Variants in ADGRV1 observed in about 807,000 individuals in gnomAD.
ADGRV1 encodes the protein adhesion G protein-coupled receptor V1.
Under a neutral mutation model 596.2 loss-of-function variants are expected in ADGRV1, and 359 were observed. That is an observed-to-expected ratio of 0.60 (90% confidence interval 0.55 to 0.66). The LOEUF (loss-of-function observed/expected upper bound fraction) is 0.66. Ranked by LOEUF, ADGRV1 falls within the 30% of genes least tolerant of loss-of-function variation. ADGRV1 has a pLI of 0.00. For missense variants in ADGRV1, 7,274 were observed against 7,575.6 expected, an observed-to-expected ratio of 0.96 and a Z score of 1.48; for synonymous variants, 2,681 against 2,679.2, an observed-to-expected ratio of 1.00 and a Z score of -0.02.
In ADGRV1 at chr5:90,653,377, A is replaced by G. The variant is rs1768919581; in HGVS notation, c.3803A>G (p.Asn1268Ser). The change falls in exon 20 of 90, where the codon AAC (asparagine) becomes AGC (serine). Residue 1268 changes from asparagine to serine, a missense_variant. Asn to Ser is a conservative substitution (Grantham distance 46). Around this residue, in one of 5 missense-constraint regions of ADGRV1, gnomAD observed 1,715 missense variants for 1,708.8 expected, o/e 1.00. Transcript: ENST00000405460. ...GAAGATGATATGTCTTATATTACCA[A>G]CTTCACCATTTTGAGGCAGCAGGGT... is the stretch of plus-strand genomic sequence containing the variant. ...LSEDDMSYIT[N>S]FTILRQQGVF... 6.2e-7 allele frequency: 1 copy of G among 1,613,894 alleles called. No homozygotes were observed. The highest frequency in any genetic ancestry group is 1.1e-5 in the South Asian group (1 of 91,074).
intron 83 of ADGRV1, among the ~76,000 whole-genome samples, chr5:90,949,850 G>A (rs1160983924): frequency 6.7e-6 from 1 of 149,836 alleles, no homozygotes. Flanking sequence ...AAAATGGACT[G>A]TGTGCATTGA....
chr5:90,803,845 G>A (rs564011807), intron 71 of ADGRV1, among the ~76,000 whole-genome samples: 3 of 151,664 alleles, frequency 2.0e-5, no homozygotes, highest in Non-Finnish European at 2.9e-5. Flanking sequence ...AAAAGATTCA[G>A]CAAAACCATT....
At position 90,690,059 on chromosome 5, in the gene ADGRV1, AC is replaced by A; in HGVS notation, c.6693del (p.Tyr2232MetfsTer13). The A allele has an allele frequency of 6.4e-7, 1 of 1,563,964 alleles. No individual in the cohort carries two copies. The highest frequency in any genetic ancestry group is 8.7e-7 in the Non-Finnish European group (1 of 1,148,566). ...GTCATTATTATTGAGGCCTCTGATG[AC>A]CCCTATGGATTATTTGGTATGAAGA... ...EAVIIIEASDDPYGLFGFQIT... is the reference protein window; with the variant it reads ...EAVIIIEASDXPYGLFGFQIT... On this transcript the variant is annotated frameshift_variant, in exon 30 of 90. Coordinates refer to ENST00000405460, the MANE Select transcript of ADGRV1 (RefSeq NM_032119.4). LOFTEE classifies it high-confidence loss of function.
intron 86 of ADGRV1, among the ~76,000 whole-genome samples, chr5:91,086,206 T>C (rs192368570): frequency 9.6e-4 from 147 of 152,346 alleles, no homozygotes; most frequent in African/African-American, 3.1e-3. Flanking sequence ...TTTTATATCA[T>C]AGTGATAATT....
chr5:90,802,974 G>A (rs1027271466), intron 71 of ADGRV1, 92 bp downstream of exon 71: 1 of 1,014,554 alleles, frequency 9.9e-7, no homozygotes, highest in South Asian at 2.5e-5. Flanking sequence ...AATTTCTCAT[G>A]AGTAACTATT....
chr5:90,864,948 A>G (rs918127951), intron 83 of ADGRV1, among the ~76,000 whole-genome samples: 2 of 152,128 alleles, frequency 1.3e-5, no homozygotes, highest in Non-Finnish European at 1.5e-5. Context: ...GCTAAAGTGC[A>G]TTTATTGAAC....
chr5:90,811,552 A>C (rs901771664), intron 74 of ADGRV1, among the ~76,000 whole-genome samples: 2 of 152,174 alleles, frequency 1.3e-5, no homozygotes, highest in Admixed American at 6.5e-5. Flanking sequence ...TATAAATGTC[A>C]CTGAGATCAG....
At chr5:90,624,653 A>G (rs541833801) in intron 5 of ADGRV1, among the ~76,000 whole-genome samples, 1 of 152,218 alleles carries the variant, frequency 6.6e-6, no homozygotes, top group South Asian at 2.1e-4. Flanking sequence ...AAATGTCAGG[A>G]CTATATGGAG....
intron 45 of ADGRV1, among the ~76,000 whole-genome samples, chr5:90,722,932 C>G (rs938635058): frequency 6.6e-6 from 1 of 151,740 alleles, no homozygotes; most frequent in African/African-American, 2.4e-5. Flanking sequence ...GGATGATGGC[C>G]TAGCAAAGGA....
At chr5:91,027,123 C>CAGAGCA (rs1273679799) in intron 85 of ADGRV1, among the ~76,000 whole-genome samples, 1 of 145,394 alleles carries the variant, frequency 6.9e-6, no homozygotes, top group African/African-American at 2.6e-5. Context: ...GCCTGGGCAA[C>CAGAGCA]AGAGCAAAAC....
At chr5:91,032,173 C>T (rs974767141) in intron 85 of ADGRV1, among the ~76,000 whole-genome samples, 1 of 152,056 alleles carries the variant, frequency 6.6e-6, no homozygotes, top group African/African-American at 2.4e-5. Flanking sequence ...GTGCAAAGGC[C>T]CTAAGGCGGG....
At chr5:90,886,142 G>A (rs986902093) in intron 83 of ADGRV1, among the ~76,000 whole-genome samples, 1 of 152,126 alleles carries the variant, frequency 6.6e-6, no homozygotes, top group East Asian at 1.9e-4. Flanking sequence ...CTGGAGGCTG[G>A]CTATTGGCAC....
rs1010169179 is a variant in ADGRV1, at chr5:90,985,584, A to G, written c.18152+62A>G. The G allele has an allele frequency of 1.9e-4, 244 of 1,294,830 alleles. No homozygotes were observed. The African/African-American group carries it at 3.0e-3, about 16-fold the overall frequency. The allele number at this position is 1,294,830 out of a possible 1,614,324, so 80.2% of individuals were successfully genotyped here. ...ATGTACCTAAGCAGATTTCGTTGCC[A>G]TAAGAGCTGTGATTGAATAAGTACC... is the stretch of plus-strand genomic sequence containing the variant. On this transcript the variant is annotated intron_variant, in intron 85 of 89. Coordinates refer to ENST00000405460, the MANE Select transcript of ADGRV1 (RefSeq NM_032119.4).
In ADGRV1 at chr5:91,164,256, GTGCATGGGC is replaced by G. The variant is rs1582280995; in HGVS notation, c.*357_*365del. The stretch of plus-strand genomic sequence containing the variant: ...GCTTCATTATTGATAAAGAAACATT[GTGCATGGGC>G]AAAAAAAGCTAACTCTATATGTAGA... On this transcript the variant is annotated 3_prime_UTR_variant, in exon 90 of 90. Coordinates refer to ENST00000405460, the MANE Select transcript of ADGRV1 (RefSeq NM_032119.4). 3.0e-6 allele frequency: 1 copy of G among 331,160 alleles called. No individual in the cohort carries two copies. Among genetic ancestry groups the G allele is most frequent in the Non-Finnish European group, 5.9e-6 (1 of 169,108 alleles). The allele number at this position is 331,160 out of a possible 1,614,324, so 20.5% of individuals were successfully genotyped here.
At chr5:90,586,380 C>T (rs545104114) in intron 1 of ADGRV1, among the ~76,000 whole-genome samples, 1 of 152,220 alleles carries the variant, frequency 6.6e-6, no homozygotes, top group South Asian at 2.1e-4. Context: ...TTGAAAATGT[C>T]TTTTTATAGT....
In ADGRV1 at chr5:90,753,117, C is replaced by T. The variant is rs933062134; in HGVS notation, c.11122-457C>T. 5.3e-5 allele frequency among the ~76,000 whole-genome samples: 8 copies of T among 152,142 alleles called. No homozygotes were observed. In the East Asian group the frequency reaches 1.5e-3, roughly 29 times the overall value. On this transcript the variant is annotated intron_variant, in intron 53 of 89. Coordinates refer to ENST00000405460, the MANE Select transcript of ADGRV1 (RefSeq NM_032119.4). ...TGTATCTCTCCCTATCTTTCTCTCTCCACCTGTGTTTTAGTTGATTCATTG... is the reference window on the plus strand; with the variant it reads ...TGTATCTCTCCCTATCTTTCTCTCTTCACCTGTGTTTTAGTTGATTCATTG...
chr5:90,570,510 T>C (rs1266105444), intron 1 of ADGRV1, among the ~76,000 whole-genome samples: 1 of 151,512 alleles, frequency 6.6e-6, no homozygotes, highest in African/African-American at 2.5e-5. Context: ...TCAGCCATAT[T>C]TCTTTAACTA....
At chr5:90,646,216 T>G in intron 16 of ADGRV1, 125 bp downstream of exon 16, 1 of 444,656 alleles carries the variant, frequency 2.2e-6, no homozygotes, top group Non-Finnish European at 3.4e-6. Flanking sequence ...ACATATATAT[T>G]TAGCAATTTT....
chr5:90,820,049 C>A (rs1298598932), intron 75 of ADGRV1, among the ~76,000 whole-genome samples: 1 of 151,694 alleles, frequency 6.6e-6, no homozygotes, highest in Non-Finnish European at 1.5e-5. Context: ...GTGTGGGAGT[C>A]TAAGTCTCTT....
Sources: allele counts gnomAD v4.1 joint callset (sites outside exome capture counted in the v4.1 genomes callset), GRCh38; gene constraint gnomAD v4.1.1; regional missense constraint gnomAD v4.1.1; transcripts MANE v1.5; gene names NCBI Gene and HGNC (gene_info 2026-07-23, HGNC 2026-07-21).